SLC4A10: variants seen among roughly 807,000 people sequenced by gnomAD.
The protein encoded by SLC4A10 is solute carrier family 4 member 10.
SLC4A10 carries 42 observed loss-of-function variants against 137.7 expected under a neutral mutation model. That is an observed-to-expected ratio of 0.30 (90% CI 0.24 to 0.39). The LOEUF (loss-of-function observed/expected upper bound fraction) is 0.39, where lower values mean the gene tolerates loss of function less well. SLC4A10 is among the 10% of genes least tolerant of loss of function. The probability of loss-of-function intolerance (pLI) is 1.00; values close to 1 mark genes in which losing one functional copy is unlikely to be tolerated. For missense variants in SLC4A10, 925 were observed against 1,355.0 expected (o/e 0.68, Z 4.98); for synonymous variants, 474 against 464.1 (o/e 1.02, Z -0.27).
chr2:161,764,787 A>G (rs1165769535), intron 1 of SLC4A10, among the ~76,000 whole-genome samples: 1 of 152,148 alleles, frequency 6.6e-6, no homozygotes, highest in South Asian at 2.1e-4. Flanking sequence ...TTCAGATGTG[A>G]AAGTTGAGCT....
In SLC4A10 at chr2:161,788,860, G is replaced by A. The variant is rs1182712104; in HGVS notation, c.131-15589G>A. On this transcript the variant is annotated intron_variant, in intron 2 of 26. Transcript: ENST00000446997. The stretch of plus-strand genomic sequence containing the variant: ...GGTGTAGCTGCCACGAAGAGTGCTG[G>A]AAAGGCTGTCTCCAAGTGCAATCAG... Among the ~76,000 whole-genome samples the A allele has an allele frequency of 3.3e-5, 5 of 152,148 alleles. No individual in the cohort carries two copies. The South Asian group carries it at 1.0e-3, about 32-fold the overall frequency.
intron 1 of SLC4A10, among the ~76,000 whole-genome samples, chr2:161,767,178 A>ATGTGTGTGTG (rs71009338): frequency 1.0e-5 from 1 of 95,948 alleles, no homozygotes; most frequent in East Asian, 3.4e-4. Context: ...ATTTATATAT[A>ATGTGTGTGTG]TGTGTGTGTG....
chr2:161,729,968 C>T lies in SLC4A10; in HGVS notation c.49-41005C>T, dbSNP rs1180972934. ...TATTAGGTTTGCTGGAATATAAAGC[C>T]GGCCAAGATAAGGCTTCTTGGGTTA... On this transcript the variant is annotated intron_variant, in intron 1 of 26. Transcript: ENST00000446997. Among the ~76,000 whole-genome samples, 3 of 152,046 alleles carry T rather than the reference C, an allele frequency of 2.0e-5. 1 individual carries two copies. The highest frequency in any genetic ancestry group is 1.5e-5 in the Non-Finnish European group (1 of 68,014).
chr2:161,809,890 A>T (rs957261686), intron 3 of SLC4A10, among the ~76,000 whole-genome samples: 1 of 152,026 alleles, frequency 6.6e-6, no homozygotes, highest in African/African-American at 2.4e-5. Context: ...TAATTTTAGA[A>T]TAGTTTTTCT....
chr2:161,627,449 A>G (rs1037396940), intron 1 of SLC4A10, among the ~76,000 whole-genome samples: 1 of 152,140 alleles, frequency 6.6e-6, no homozygotes, highest in Non-Finnish European at 1.5e-5. Context: ...TAGGGAAGTG[A>G]AAGAGAAAGG....
chr2:161,907,258 C>CTAAG (rs1684660164), intron 15 of SLC4A10, among the ~76,000 whole-genome samples: 1 of 151,988 alleles, frequency 6.6e-6, no homozygotes, highest in South Asian at 2.1e-4. Context: ...GTAAACAGGG[C>CTAAG]TAAGAAAGGA....
At position 161,958,557 on chromosome 2, in the gene SLC4A10, T is replaced by C. The variant is rs762455059; in HGVS notation, c.2862+2T>C. On this transcript the variant is annotated splice_donor_variant, in intron 21 of 26. Coordinates refer to ENST00000446997, the MANE Select transcript of SLC4A10 (RefSeq NM_001178015.2). LOFTEE classifies it high-confidence loss of function. ...GCTTCATCTCTAAAGGGAATTCAGGTAAATTACTTACAGTACTACAGGCAC... is the reference window on the plus strand; with the variant it reads ...GCTTCATCTCTAAAGGGAATTCAGGCAAATTACTTACAGTACTACAGGCAC... 6.2e-7 allele frequency: 1 copy of C among 1,605,420 alleles called. No individual in the cohort carries two copies. The highest frequency in any genetic ancestry group is 8.5e-7 in the Non-Finnish European group (1 of 1,173,634).
chr2:161,943,279 G>A (rs1044053319), intron 16 of SLC4A10, among the ~76,000 whole-genome samples: 1 of 152,096 alleles, frequency 6.6e-6, no homozygotes, highest in African/African-American at 2.4e-5. Context: ...TTCCGGATCT[G>A]CTGGGGGGAA....
chr2:161,648,338 T>G (rs528366110), intron 1 of SLC4A10, among the ~76,000 whole-genome samples: 2 of 152,314 alleles, frequency 1.3e-5, no homozygotes, highest in African/African-American at 4.8e-5. Flanking sequence ...TTCGAATATT[T>G]ATTGAAAACG....
At chr2:161,873,530 C>CAAAAAAAAAA (rs759717096) in intron 7 of SLC4A10, among the ~76,000 whole-genome samples, 11 of 17,332 alleles carry the variant, frequency 6.3e-4, no homozygotes, top group Non-Finnish European at 1.2e-3. Context: ...GACCACATCT[C>CAAAAAAAAAA]AAAAAAAAAA....
intron 15 of SLC4A10, among the ~76,000 whole-genome samples, chr2:161,906,738 T>C (rs895300080): frequency 6.6e-6 from 1 of 152,222 alleles, no homozygotes; most frequent in African/African-American, 2.4e-5. Context: ...CTTTATTTAC[T>C]ATCAGAAGTT....
At chr2:161,864,923 A>G (rs2060646654) in intron 6 of SLC4A10, among the ~76,000 whole-genome samples, 1 of 152,090 alleles carries the variant, frequency 6.6e-6, no homozygotes, top group Admixed American at 6.6e-5. Context: ...AATTTTGGCT[A>G]TGGGATTATG....
intron 2 of SLC4A10, among the ~76,000 whole-genome samples, chr2:161,782,559 A>T (rs2053159474): frequency 6.6e-6 from 1 of 151,694 alleles, no homozygotes; most frequent in African/African-American, 2.4e-5. Flanking sequence ...CCTGGAAAAG[A>T]ATTTAGAATA....
rs1487371220 is a variant in SLC4A10 at position 161,908,378 on chromosome 2, C to T, written c.1997+2491C>T. On this transcript the variant is annotated intron_variant, in intron 15 of 26. Transcript: ENST00000446997. ...GCATGTTCTCATTCATAGGTGGGAA[C>T]TGAACAATGAGAACACATGGACACA... Among the ~76,000 whole-genome samples the T allele has an allele frequency of 8.3e-5, 11 of 132,794 alleles. No homozygotes were observed. The Admixed American group carries it at 1.0e-3, about 12-fold the overall frequency. 87.1% of individuals were successfully genotyped at this position (132,794 alleles called of 152,430 possible).
chr2:161,873,530 C>CAAAAAAAAAAAAAAAAA (rs759717096), intron 7 of SLC4A10, among the ~76,000 whole-genome samples: 1 of 17,328 alleles, frequency 5.8e-5, no homozygotes, highest in African/African-American at 2.4e-4. Flanking sequence ...GACCACATCT[C>CAAAAAAAAAAAAAAAAA]AAAAAAAAAA....
chr2:161,720,601 C>T (rs952762739), intron 1 of SLC4A10, among the ~76,000 whole-genome samples: 9 of 152,138 alleles, frequency 5.9e-5, no homozygotes, highest in Admixed American at 3.3e-4. Flanking sequence ...GTTAGCTCCT[C>T]TTGTTGAATT....
chr2:161,732,425 T>C (rs1265144642), intron 1 of SLC4A10, among the ~76,000 whole-genome samples: 1 of 152,156 alleles, frequency 6.6e-6, no homozygotes, highest in East Asian at 1.9e-4. Flanking sequence ...CAACTATATA[T>C]TTTACCATGT....
chr2:161,627,627 C>CT (rs1010423090), intron 1 of SLC4A10, among the ~76,000 whole-genome samples: 1 of 152,038 alleles, frequency 6.6e-6, no homozygotes, highest in Non-Finnish European at 1.5e-5. Flanking sequence ...ATATGTTTCT[C>CT]TTTTTTTCCC....
chr2:161,940,051 G>C (rs374405888), intron 15 of SLC4A10, among the ~76,000 whole-genome samples: 2 of 152,090 alleles, frequency 1.3e-5, no homozygotes, highest in Non-Finnish European at 2.9e-5. Flanking sequence ...ATTTTAAAAG[G>C]CAATCATGAA....
Sources: allele counts gnomAD v4.1 joint callset (sites outside exome capture counted in the v4.1 genomes callset), GRCh38; gene constraint gnomAD v4.1.1; transcripts MANE v1.5; gene names NCBI Gene and HGNC (gene_info 2026-07-23, HGNC 2026-07-21).